CDH12: variants seen among roughly 807,000 people sequenced by gnomAD.
CDH12 encodes cadherin-12.
In CDH12, 41 loss-of-function variants were observed where a neutral mutation model predicts 74.1. The ratio of observed to expected loss-of-function variants is 0.55; its 90% CI spans 0.43 to 0.72. CDH12 has a LOEUF of 0.72. Ranked by LOEUF, CDH12 falls within the 30% of genes least tolerant of loss-of-function variation. The pLI is 0.00. For synonymous variants in CDH12, 399 were observed against 355.0 expected (o/e 1.12, Z -1.39); for missense variants, 945 against 977.2 (o/e 0.97, Z 0.44).
At chr5:22,705,499 G>GCACACA (rs5866587) in intron 1 of CDH12, among the ~76,000 whole-genome samples, 18,563 of 143,432 alleles carry the variant, frequency 0.13, 1,297 homozygotes, top group Middle Eastern at 0.2. Context: ...CAACACACAT[G>GCACACA]CACACACACA....
At chr5:22,032,827 C>T (rs1030237793) in intron 5 of CDH12, among the ~76,000 whole-genome samples, 15 of 149,204 alleles carry the variant, frequency 1.0e-4, no homozygotes, top group Admixed American at 6.7e-5. Context: ...CACACACACA[C>T]ACACACACGC....
At chr5:21,929,896 T>C (rs1305073904) in intron 6 of CDH12, among the ~76,000 whole-genome samples, 2 of 152,152 alleles carry the variant, frequency 1.3e-5, no homozygotes, top group Non-Finnish European at 2.9e-5. Context: ...TGACAGATAA[T>C]ACTGCTCTCA....
chr5:22,822,981 C>G (rs1749790189), intron 1 of CDH12, among the ~76,000 whole-genome samples: 1 of 152,072 alleles, frequency 6.6e-6, no homozygotes, highest in Non-Finnish European at 1.5e-5. Flanking sequence ...TTGGAACCAA[C>G]CCAAATGTCC....
At chr5:21,933,138 C>A (rs1226670919) in intron 6 of CDH12, among the ~76,000 whole-genome samples, 1 of 151,960 alleles carries the variant, frequency 6.6e-6, no homozygotes, top group Non-Finnish European at 1.5e-5. Context: ...ATTTAGATCA[C>A]AATCACTAAG....
intron 3 of CDH12, among the ~76,000 whole-genome samples, chr5:22,357,916 T>C (rs1197608811): frequency 3.3e-5 from 5 of 152,190 alleles, no homozygotes; most frequent in Admixed American, 3.3e-4. Context: ...CAAAAATTTT[T>C]AACCTTATAA....
At chr5:22,209,456 C>T (rs1002849631) in intron 4 of CDH12, among the ~76,000 whole-genome samples, 1 of 152,178 alleles carries the variant, frequency 6.6e-6, no homozygotes. Context: ...CGTGAGTTCC[C>T]CTTAACTTCC....
chr5:22,014,230 T>C (rs1297476311), intron 5 of CDH12, among the ~76,000 whole-genome samples: 3 of 152,028 alleles, frequency 2.0e-5, no homozygotes, highest in Non-Finnish European at 4.4e-5. Context: ...GACTCCTCCG[T>C]CTCAAAAAGC....
intron 3 of CDH12, among the ~76,000 whole-genome samples, chr5:22,346,168 A>T (rs1225192924): frequency 6.6e-6 from 1 of 151,784 alleles, no homozygotes; most frequent in Non-Finnish European, 1.5e-5. Context: ...TGAAACCAAG[A>T]TTGGCTTCAG....
intron 1 of CDH12, among the ~76,000 whole-genome samples, chr5:22,841,309 G>A (rs959416140): frequency 3.9e-5 from 6 of 152,130 alleles, no homozygotes; most frequent in Admixed American, 6.6e-5. Context: ...GGACATAAAA[G>A]GGCTTGATTG....
intron 1 of CDH12, among the ~76,000 whole-genome samples, chr5:22,691,977 G>C (rs1280831543): frequency 6.6e-6 from 1 of 152,184 alleles, no homozygotes; most frequent in East Asian, 1.9e-4. Flanking sequence ...CCTACATGGT[G>C]ATATAGTTTG....
chr5:22,773,674 C>A (rs1746933356), intron 1 of CDH12, among the ~76,000 whole-genome samples: 1 of 151,944 alleles, frequency 6.6e-6, no homozygotes, highest in Admixed American at 6.6e-5. Flanking sequence ...AGCTTCTGCA[C>A]AGTAAAAGAA....
At chr5:22,083,201 G>T (rs951445615) in intron 4 of CDH12, among the ~76,000 whole-genome samples, 1 of 152,128 alleles carries the variant, frequency 6.6e-6, no homozygotes, top group Admixed American at 6.6e-5. Context: ...CTCCTTGCAC[G>T]TATTAAAATC....
At chr5:21,848,975 C>A (rs1262155397) in intron 7 of CDH12, among the ~76,000 whole-genome samples, 1 of 151,932 alleles carries the variant, frequency 6.6e-6, no homozygotes, top group African/African-American at 2.4e-5. Context: ...GTTATAGATA[C>A]ATGTGCATCA....
chr5:22,642,121 A>C (rs920262472), intron 1 of CDH12, among the ~76,000 whole-genome samples: 2 of 152,256 alleles, frequency 1.3e-5, no homozygotes, highest in East Asian at 1.9e-4. Context: ...GAATAATGCC[A>C]ATAATAGAGC....
At chr5:22,575,418 G>T (rs555947772) in intron 1 of CDH12, among the ~76,000 whole-genome samples, 23 of 150,832 alleles carry the variant, frequency 1.5e-4, no homozygotes, top group Non-Finnish European at 3.1e-4. Context: ...TTTGAGACAG[G>T]TTCTTACTCT....
chr5:22,568,657 A>T (rs1466275941), intron 1 of CDH12, among the ~76,000 whole-genome samples: 1 of 152,234 alleles, frequency 6.6e-6, no homozygotes, highest in Admixed American at 6.5e-5. Flanking sequence ...GGTAAACAAA[A>T]GTGACTAAAT....
At chr5:22,013,594 A>T (rs1737421085) in intron 5 of CDH12, among the ~76,000 whole-genome samples, 1 of 152,206 alleles carries the variant, frequency 6.6e-6, no homozygotes, top group Admixed American at 6.5e-5. Flanking sequence ...CAATAACATT[A>T]AGAGTGTCTA....
intron 7 of CDH12, among the ~76,000 whole-genome samples, chr5:21,851,188 T>C (rs1191994925): frequency 6.6e-6 from 1 of 151,212 alleles, no homozygotes; most frequent in African/African-American, 2.4e-5. Context: ...AATATGGCAA[T>C]ACCTAGTTAC....
intron 1 of CDH12, among the ~76,000 whole-genome samples, chr5:22,523,095 T>A (rs2126688741): frequency 6.6e-6 from 1 of 152,306 alleles, no homozygotes; most frequent in African/African-American, 2.4e-5. Flanking sequence ...GGTATCTGGA[T>A]CCTAAGATGG....
Sources: allele counts gnomAD v4.1 joint callset (sites outside exome capture counted in the v4.1 genomes callset), GRCh38; gene constraint gnomAD v4.1.1; transcripts MANE v1.5; gene names NCBI Gene and HGNC (gene_info 2026-07-23, HGNC 2026-07-21).